The following RBM23 variants were observed in gnomAD, a reference collection of about 807,000 sequenced individuals.
The protein encoded by RBM23 is RNA binding motif protein 23.
A neutral mutation model predicts 56.2 loss-of-function variants in RBM23; 53 were observed. The observed-to-expected ratio is 0.94, with a 90% CI of 0.76 to 1.19. RBM23 has a LOEUF of 1.19. Among genes scored for constraint, RBM23 ranks in the 50% most tolerant of loss-of-function variants. RBM23 has a pLI of 0.00. For synonymous variants in RBM23, 197 were observed against 198.5 expected (o/e 0.99, Z 0.06); for missense variants, 642 against 590.3 (o/e 1.09, Z -0.91).
chr14:22,903,808 C>G, intron 10 of RBM23: 1 of 1,070,986 alleles, frequency 9.3e-7, no homozygotes, highest in African/African-American at 1.7e-5. Context: ...CCCCATAGTG[C>G]TACGTTAATA....
rs113382871 is a variant in RBM23 at position 22,918,368 on chromosome 14, G to A, written c.-11+631C>T. Among the ~76,000 whole-genome samples, 1,186 of 150,446 alleles carry A rather than the reference G, an allele frequency of 7.9e-3. 21 individuals are homozygous for A. The highest frequency in any genetic ancestry group is 0.027 in the African/African-American group (1,120 of 41,112). On this transcript the variant is annotated intron_variant, in intron 1 of 13. Coordinates refer to ENST00000359890, the MANE Select transcript of RBM23 (RefSeq NM_001077351.2). ...AGATCGCGCCACTCCACTCCAGCCT[G>A]GGTGACAAAGCGACACTCCGCCTTA...
rs1165653149 is a variant in RBM23 at position 22,896,680 on chromosome 14, C to A, written c.*5050G>T. On this transcript the variant is annotated 3_prime_UTR_variant, in exon 14 of 14. Coordinates refer to ENST00000359890, the MANE Select transcript of RBM23 (RefSeq NM_001077351.2). ...GGCTCTTGAGAGCAGATCATCTGAA[C>A]AACTAATAGACTTCATCCAACTTTT... is the stretch of plus-strand genomic sequence containing the variant. 1 of 152,184 alleles carries A rather than the reference C, an allele frequency of 6.6e-6. No individual in the cohort carries two copies. The highest frequency in any genetic ancestry group is 2.4e-5 in the African/African-American group (1 of 41,444). 9.4% of individuals were successfully genotyped at this position (152,184 alleles called of 1,614,324 possible). A position where few individuals can be genotyped will look rare whatever the true frequency, so the allele number is the denominator to read the frequency against.
rs200477629 is a variant in RBM23 at position 22,909,478 on chromosome 14, C to A, written c.179+5G>T. 3.1e-4 allele frequency: 502 copies of A among 1,611,506 alleles called. 4 individuals carry two copies. The highest frequency in any genetic ancestry group is 5.9e-5 in the Non-Finnish European group (69 of 1,178,856). ...TGCCAACCCATTTCTTCCTCCCACA[C>A]TCACTTGCTTGTCTCCCCGATGGTG... On this transcript the variant is annotated splice_donor_5th_base_variant and intron_variant, in intron 3 of 13. Coordinates refer to ENST00000359890, the MANE Select transcript of RBM23 (RefSeq NM_001077351.2).
At position 22,900,139 on chromosome 14, in the gene RBM23, G is replaced by A. The variant is rs148418257; in HGVS notation, c.*1591C>T. On this transcript the variant is annotated 3_prime_UTR_variant, in exon 14 of 14. Coordinates refer to ENST00000359890, the MANE Select transcript of RBM23 (RefSeq NM_001077351.2). ...CCAGGCAGAGCCACATGGAAAGCAG[G>A]AGTTGAGGGGACTGACAGAGGAACA... 2 of 152,172 alleles carry A rather than the reference G, an allele frequency of 1.3e-5. No homozygotes were observed. The highest frequency in any genetic ancestry group is 2.4e-5 in the African/African-American group (1 of 41,416). The allele number at this position is 152,172 out of a possible 1,614,324, so 9.4% of individuals were successfully genotyped here.
chr14:22,917,489 G>A (rs1033611882), intron 1 of RBM23: 2 of 152,132 alleles, frequency 1.3e-5, no homozygotes, highest in African/African-American at 2.4e-5. Flanking sequence ...TGGGTTTAGT[G>A]TCTTTCTAGA....
chr14:22,904,395 CTGCT>C, intron 9 of RBM23, 69 bp from the exon 10 acceptor site: 1 of 1,285,164 alleles, frequency 7.8e-7, no homozygotes, highest in Non-Finnish European at 1.1e-6. Context: ...CCTACCCAGA[CTGCT>C]TTTTTTTTTT....
chr14:22,903,743 T>C, intron 10 of RBM23: 1 of 1,008,156 alleles, frequency 9.9e-7, no homozygotes, highest in Non-Finnish European at 1.2e-6. Flanking sequence ...AACCATTTTG[T>C]TGGAATGTCA....
At chr14:22,902,948 T>A (rs1470431780) in intron 10 of RBM23, 2 of 682,566 alleles carry the variant, frequency 2.9e-6, no homozygotes, top group Non-Finnish European at 3.6e-6. Flanking sequence ...CTAGTTTTTT[T>A]ATTTTTATTT....
chr14:22,912,043 GT>G (rs2042618791), intron 1 of RBM23: 3 of 152,162 alleles, frequency 2.0e-5, no homozygotes. Flanking sequence ...GAAAATGATG[GT>G]GGCCAAACTA....
At position 22,904,183 on chromosome 14, in the gene RBM23, G is replaced by A. The variant is rs1432911394; in HGVS notation, c.930+78C>T. 6 of 1,610,526 alleles carry A rather than the reference G, an allele frequency of 3.7e-6. No homozygotes were observed. The Admixed American group carries it at 8.4e-5, about 22-fold the overall frequency. ...CATTTAGACAGTTCCTAAAGGAGGA[G>A]GATGAAGCTAAGCTGCAAAATCAGA... On this transcript the variant is annotated intron_variant, in intron 10 of 13. Transcript: ENST00000359890.
rs1483240059 is a variant in RBM23 at position 22,899,420 on chromosome 14, GC to G, written c.*2309del. ...TTTTGAGATGGAGGCTCGCTCTGTT[GC>G]CCAGGCTGGAGTGCAGTGGTGCATC... On this transcript the variant is annotated 3_prime_UTR_variant, in exon 14 of 14. Coordinates refer to ENST00000359890, the MANE Select transcript of RBM23 (RefSeq NM_001077351.2). 1.3e-5 allele frequency: 2 copies of G among 152,312 alleles called. No homozygotes were observed. The highest frequency in any genetic ancestry group is 1.3e-4 in the Admixed American group (2 of 15,270). The allele number at this position is 152,312 out of a possible 1,614,324, so 9.4% of individuals were successfully genotyped here.
intron 5 of RBM23, 176 bp downstream of exon 5, chr14:22,906,019 G>A (rs2036882746): frequency 1.4e-6 from 1 of 728,998 alleles, no homozygotes; most frequent in Non-Finnish European, 2.2e-6. Flanking sequence ...CAAAGTGCTG[G>A]GATTACAGGC....
chr14:22,907,822 T>C (rs1320603827), intron 4 of RBM23, among the ~76,000 whole-genome samples: 2 of 152,148 alleles, frequency 1.3e-5, no homozygotes, highest in Non-Finnish European at 2.9e-5. Context: ...TGGGACAAGA[T>C]GTGGAGGTGA....
chr14:22,917,782 T>C (rs1231270225), intron 1 of RBM23: 2 of 152,154 alleles, frequency 1.3e-5, no homozygotes, highest in South Asian at 2.1e-4. Flanking sequence ...CTCATCCACA[T>C]AGAGTATGTT....
At chr14:22,903,360 G>A (rs2040956570) in intron 10 of RBM23, 1 of 985,370 alleles carries the variant, frequency 1.0e-6, no homozygotes, top group Non-Finnish European at 1.2e-6. Context: ...ATGCCCCACA[G>A]AAGCCTTTCC....
Position 22,906,865 on chromosome 14 carries a change from TCCGTCTCTACTAAAAAC to T in RBM23, c.228-514_228-498del, listed in dbSNP as rs548108091. Among the ~76,000 whole-genome samples the T allele has an allele frequency of 2.2e-3, 330 of 151,672 alleles. 2 individuals carry two copies. The highest frequency in any genetic ancestry group is 7.7e-3 in the African/African-American group (320 of 41,338). On this transcript the variant is annotated intron_variant, in intron 4 of 13. Transcript: ENST00000359890. ...ACCAGCCTGACCAACATGGAGAAAC[TCCGTCTCTACTAAAAAC>T]ACAAAATTAGACCAGGCACGGTGGC...
rs1254373476 is a variant in RBM23, at chr14:22,897,005, G to C, written c.*4725C>G. 6.6e-6 allele frequency: 1 copy of C among 152,198 alleles called. No individual in the cohort carries two copies. Among genetic ancestry groups the C allele is most frequent in the Non-Finnish European group, 1.5e-5 (1 of 68,034 alleles). 9.4% of individuals were successfully genotyped at this position (152,198 alleles called of 1,614,324 possible). A position where few individuals can be genotyped will look rare whatever the true frequency, so the allele number is the denominator to read the frequency against. On this transcript the variant is annotated 3_prime_UTR_variant, in exon 14 of 14. Coordinates refer to ENST00000359890, the MANE Select transcript of RBM23 (RefSeq NM_001077351.2). ...CTGGTGGATGGCAAGCAGCACTTTA[G>C]AAAGAAAGTATCACAGGCTACCATG...
chr14:22,916,730 C>A (rs2043575782), intron 1 of RBM23, among the ~76,000 whole-genome samples: 1 of 151,902 alleles, frequency 6.6e-6, no homozygotes, highest in Non-Finnish European at 1.5e-5. Flanking sequence ...CATGAATGTT[C>A]TTCTCATATG....
At chr14:22,907,132 C>T (rs538925981) in intron 4 of RBM23, among the ~76,000 whole-genome samples, 2 of 151,930 alleles carry the variant, frequency 1.3e-5, no homozygotes, top group East Asian at 1.9e-4. Flanking sequence ...CGACGTCGCG[C>T]CACTGCACTC....
Sources: gnomAD v4.1 joint callset for allele counts (sites outside exome capture counted in the v4.1 genomes callset) on GRCh38, gnomAD v4.1.1 for gene constraint, MANE v1.5 for transcripts, NCBI Gene and HGNC (gene_info 2026-07-23, HGNC 2026-07-21) for gene names.